Variants in IL1RAPL1 observed in about 807,000 individuals in gnomAD.
IL1RAPL1 encodes interleukin-1 receptor accessory protein-like 1.
IL1RAPL1 carries 3 observed loss-of-function variants against 48.4 expected under a neutral mutation model. That is an observed-to-expected ratio of 0.06 (90% CI 0.03 to 0.16). IL1RAPL1 has a LOEUF of 0.16. IL1RAPL1 is among the 10% of genes least tolerant of loss of function. The probability of loss-of-function intolerance (pLI) is 1.00; values close to 1 mark genes in which losing one functional copy is unlikely to be tolerated. For synonymous variants in IL1RAPL1, 185 were observed against 187.7 expected (o/e 0.99, Z 0.12); for missense variants, 349 against 530.6 (o/e 0.66, Z 3.36).
intron 2 of IL1RAPL1, among the ~76,000 whole-genome samples, chrX:29,273,993 A>G (rs894809160): frequency 4.5e-5 from 5 of 112,019 alleles, no homozygotes; most frequent in African/African-American, 1.3e-4. Flanking sequence ...TTATGCCTCA[A>G]TACAGCTGGA....
At chrX:29,190,068 C>A (rs766421698) in intron 2 of IL1RAPL1, among the ~76,000 whole-genome samples, 1 of 111,791 alleles carries the variant, frequency 8.9e-6, no homozygotes, top group Non-Finnish European at 1.9e-5. Context: ...GCCTCAGTTT[C>A]CTCATCTCTA....
intron 1 of IL1RAPL1, among the ~76,000 whole-genome samples, chrX:28,734,704 C>T (rs1601879532): frequency 9.0e-6 from 1 of 111,197 alleles, no homozygotes; most frequent in Middle Eastern, 4.7e-3. Context: ...TTTGTTATGC[C>T]TGTTATTTAT....
At chrX:29,217,379 T>A (rs1311743690) in intron 2 of IL1RAPL1, among the ~76,000 whole-genome samples, 2 of 112,481 alleles carry the variant, frequency 1.8e-5, no homozygotes, top group Non-Finnish European at 1.9e-5. Flanking sequence ...CCAGGTAGTG[T>A]GTTCCATGCT....
chrX:29,083,749 A>T (rs1927893149), intron 2 of IL1RAPL1, among the ~76,000 whole-genome samples: 1 of 112,214 alleles, frequency 8.9e-6, no homozygotes, highest in South Asian at 3.7e-4. Flanking sequence ...AATACTAAAG[A>T]AAATAAAAAC....
At chrX:29,087,619 A>G (rs1413480588) in intron 2 of IL1RAPL1, among the ~76,000 whole-genome samples, 1 of 112,625 alleles carries the variant, frequency 8.9e-6, no homozygotes, top group African/African-American at 3.2e-5. Context: ...AATGAAGCCA[A>G]TACATCTAGA....
At chrX:29,267,564 G>A (rs1157820042) in intron 2 of IL1RAPL1, among the ~76,000 whole-genome samples, 3 of 111,139 alleles carry the variant, frequency 2.7e-5, no homozygotes, top group African/African-American at 9.8e-5. Context: ...TTTCTGAGCT[G>A]CGTTGTTTTT....
intron 2 of IL1RAPL1, among the ~76,000 whole-genome samples, chrX:29,008,310 G>GACTATAGGCGCCCGCC (rs1926036037): frequency 9.0e-6 from 1 of 110,576 alleles, no homozygotes; most frequent in African/African-American, 3.3e-5. Context: ...GGGTAGCTGG[G>GACTATAGGCGCCCGCC]ACTACAGGCG....
At chrX:28,844,292 T>A (rs1921452340) in intron 2 of IL1RAPL1, among the ~76,000 whole-genome samples, 2 of 105,825 alleles carry the variant, frequency 1.9e-5, no homozygotes, top group African/African-American at 6.9e-5. Context: ...GGGTTTACGT[T>A]CCCACCTTTT....
intron 3 of IL1RAPL1, among the ~76,000 whole-genome samples, chrX:29,286,846 C>T (rs1175095144): frequency 1.8e-5 from 2 of 111,238 alleles, no homozygotes; most frequent in African/African-American, 3.3e-5. Flanking sequence ...TGGTAGCATG[C>T]TAAGTTATTT....
rs773597190 is a variant in IL1RAPL1 at position 29,088,240 on chromosome X, A to G, written c.83-194698A>G. On this transcript the variant is annotated intron_variant, in intron 2 of 10. Coordinates refer to ENST00000378993, the MANE Select transcript of IL1RAPL1 (RefSeq NM_014271.4). ...AAATCAAGCAACATTACTGAACAAAAAAATATTTTCTATGTTGAATTATGT... is the reference window on the plus strand; with the variant it reads ...AAATCAAGCAACATTACTGAACAAAGAAATATTTTCTATGTTGAATTATGT... 3.6e-5 allele frequency among the ~76,000 whole-genome samples: 4 copies of G among 112,160 alleles called. No individual in the cohort carries two copies. The South Asian group carries it at 1.5e-3, about 41-fold the overall frequency.
chrX:29,247,461 G>C (rs1195123859), intron 2 of IL1RAPL1, among the ~76,000 whole-genome samples: 1 of 111,234 alleles, frequency 9.0e-6, no homozygotes, highest in Non-Finnish European at 1.9e-5. Context: ...ATTAAAAACA[G>C]GGTCAATAGT....
intron 1 of IL1RAPL1, among the ~76,000 whole-genome samples, chrX:28,711,321 G>A (rs1325108139): frequency 8.9e-6 from 1 of 111,799 alleles, no homozygotes; most frequent in Admixed American, 9.6e-5. Context: ...GTGGAAAGAT[G>A]GAATTTCCAT....
At chrX:29,784,653 T>C (rs1398767240) in intron 6 of IL1RAPL1, among the ~76,000 whole-genome samples, 1 of 100,617 alleles carries the variant, frequency 9.9e-6, no homozygotes, top group African/African-American at 3.6e-5. Context: ...AATAGAGGCC[T>C]TTTCAGTTTA....
chrX:29,398,632 T>A (rs1224744166), intron 4 of IL1RAPL1, among the ~76,000 whole-genome samples: 2 of 112,379 alleles, frequency 1.8e-5, no homozygotes, highest in East Asian at 2.8e-4. Context: ...AAAACTAAAA[T>A]GTTTCAAATA....
At chrX:28,904,382 T>G (rs902885758) in intron 2 of IL1RAPL1, among the ~76,000 whole-genome samples, 3 of 111,754 alleles carry the variant, frequency 2.7e-5, no homozygotes, top group East Asian at 2.8e-4. Context: ...ACAACTACTA[T>G]TCATCGTAAG....
chrX:29,803,017 GTA>G (rs1265080748), intron 6 of IL1RAPL1, among the ~76,000 whole-genome samples: 1 of 52,084 alleles, frequency 1.9e-5, no homozygotes, highest in African/African-American at 8.3e-5. Flanking sequence ...ATACATATGT[GTA>G]CATATACATG....
intron 2 of IL1RAPL1, among the ~76,000 whole-genome samples, chrX:29,201,006 T>G (rs1036035807): frequency 9.0e-6 from 1 of 110,721 alleles, no homozygotes; most frequent in Non-Finnish European, 1.9e-5. Context: ...TAGGCTCCAG[T>G]GTGTGTTGTT....
rs181488677 is a variant in IL1RAPL1 at position 29,284,258 on chromosome X, T to C, written c.362+1041T>C. On this transcript the variant is annotated intron_variant, in intron 3 of 10. Coordinates refer to ENST00000378993, the MANE Select transcript of IL1RAPL1 (RefSeq NM_014271.4). ...TCCCTCTCACCGTCATCTCTAATAA[T>C]TACCTGTAAGCTGAGCCATGGCTAC... Among the ~76,000 whole-genome samples the C allele has an allele frequency of 5.5e-3, 617 of 112,181 alleles. 2 individuals are homozygous for C. Among genetic ancestry groups the C allele is most frequent in the Non-Finnish European group, 9.4e-3 (502 of 53,241 alleles).
chrX:29,794,972 G>T (rs1929711334), intron 6 of IL1RAPL1, among the ~76,000 whole-genome samples: 2 of 111,978 alleles, frequency 1.8e-5, no homozygotes, highest in South Asian at 7.4e-4. Flanking sequence ...CATTTTTAGA[G>T]TACAGATTCT....
Sources: allele counts gnomAD v4.1 joint callset (sites outside exome capture counted in the v4.1 genomes callset), GRCh38; gene constraint gnomAD v4.1.1; transcripts MANE v1.5; gene names NCBI Gene and HGNC (gene_info 2026-07-23, HGNC 2026-07-21).